Variants in SLC20A2 observed in about 807,000 individuals in gnomAD.
SLC20A2 encodes solute carrier family 20 member 2, also known as sodium-dependent phosphate transporter 2.
SLC20A2 carries 30 observed loss-of-function variants against 61.0 expected under a neutral mutation model. The observed-to-expected ratio is 0.49, with a 90% confidence interval of 0.37 to 0.67. The LOEUF (loss-of-function observed/expected upper bound fraction) is 0.67, where lower values mean the gene tolerates loss of function less well. Ranked by LOEUF, SLC20A2 falls within the 30% of genes least tolerant of loss-of-function variation. The pLI, the probability that SLC20A2 is intolerant of heterozygous loss-of-function variation, is 0.00. For synonymous variants in SLC20A2, 351 were observed against 353.3 expected, an observed-to-expected ratio of 0.99 and a Z score of 0.07; for missense variants, 626 against 866.4, an observed-to-expected ratio of 0.72 and a Z score of 3.48.
intron 1 of SLC20A2, among the ~76,000 whole-genome samples, chr8:42,533,893 C>T (rs180736551): frequency 2.6e-5 from 4 of 151,004 alleles, no homozygotes; most frequent in Admixed American, 2.6e-4. Flanking sequence ...CTCCTGACCT[C>T]GTGATCTGCC....
chr8:42,519,337 G>A (rs367916744), intron 1 of SLC20A2, among the ~76,000 whole-genome samples: 9 of 151,966 alleles, frequency 5.9e-5, no homozygotes, highest in African/African-American at 1.9e-4. Context: ...CCAGCTACTC[G>A]GGAAGCTGAG....
At chr8:42,510,522 C>T (rs1262677938) in intron 1 of SLC20A2, among the ~76,000 whole-genome samples, 2 of 152,168 alleles carry the variant, frequency 1.3e-5, no homozygotes, top group South Asian at 2.1e-4. Context: ...GTATAAAATA[C>T]TAATTTTTGT....
At position 42,438,063 on chromosome 8, in the gene SLC20A2, C is replaced by CAAAAAAAAAAAA. The variant is rs1391262305; in HGVS notation, c.935-498_935-487dup. Among the ~76,000 whole-genome samples, 93 of 26,826 alleles carry CAAAAAAAAAAAA rather than the reference C, an allele frequency of 3.5e-3. 8 individuals are homozygous for CAAAAAAAAAAAA. Among genetic ancestry groups the CAAAAAAAAAAAA allele is most frequent in the East Asian group, 6.3e-3 (4 of 638 alleles). The allele number at this position is 26,826 out of a possible 152,430, so 17.6% of individuals were successfully genotyped here. ...TATGGTTACCACTAAAAAAAAAAAC[C>CAAAAAAAAAAAA]AAAAAAAAAAAAAAAAAAAAAAAAA... On this transcript the variant is annotated intron_variant, in intron 7 of 10. Coordinates refer to ENST00000520262, the MANE Select transcript of SLC20A2 (RefSeq NM_001257180.2).
intron 1 of SLC20A2, among the ~76,000 whole-genome samples, chr8:42,473,289 T>C (rs1001787210): frequency 1.3e-5 from 2 of 152,130 alleles, no homozygotes; most frequent in African/African-American, 2.4e-5. Flanking sequence ...CACTATCCCA[T>C]CTCACTAGGA....
rs1175634535 is a variant in SLC20A2, at chr8:42,476,123, A to G, written c.-264-3469T>C. ...TTTTTTTTTTTTTTTTTGACACGAA[A>G]TCTCGCTCTGTCGCCCAGGCTGGAG... On this transcript the variant is annotated intron_variant, in intron 1 of 10. Coordinates refer to ENST00000520262, the MANE Select transcript of SLC20A2 (RefSeq NM_001257180.2). Among the ~76,000 whole-genome samples, 3 of 107,216 alleles carry G rather than the reference A, an allele frequency of 2.8e-5. No individual in the cohort carries two copies. In the Admixed American group the frequency reaches 4.1e-4, roughly 15 times the overall value. The allele number at this position is 107,216 out of a possible 152,430, so 70.3% of individuals were successfully genotyped here.
intron 6 of SLC20A2, among the ~76,000 whole-genome samples, chr8:42,440,545 T>G (rs2131028193): frequency 6.6e-6 from 1 of 152,272 alleles, no homozygotes; most frequent in East Asian, 1.9e-4. Flanking sequence ...ATAATGTGGG[T>G]TTTTGGAGAT....
At position 42,437,196 on chromosome 8, in the gene SLC20A2, G is replaced by A. The variant is rs768856025; in HGVS notation, c.1316C>T (p.Ala439Val). 8.1e-6 allele frequency: 13 copies of A among 1,613,630 alleles called. No homozygotes were observed. The highest frequency in any genetic ancestry group is 9.3e-6 in the Non-Finnish European group (11 of 1,180,036). Residue 439 changes from alanine to valine, a missense_variant, in exon 8 of 11, where the codon GCG (alanine) becomes GTG (valine). Transcript: ENST00000520262. This position sits in a 1 kb window ranked among gnomAD's most constrained non-coding sequence, Gnocchi z 6.4. ...CGCCTCGATCTCCGCCTCTGCCACCGCGTTACAGTAGCTCGAGTAGCTGTC... is the reference window on the plus strand; with the variant it reads ...CGCCTCGATCTCCGCCTCTGCCACCACGTTACAGTAGCTCGAGTAGCTGTC... ...RYDSYSSYCN[A>V]VAEAEIEAEE... is the part of the protein sequence containing the mutation.
intron 1 of SLC20A2, among the ~76,000 whole-genome samples, chr8:42,492,497 G>T (rs1221380888): frequency 6.6e-6 from 1 of 152,186 alleles, no homozygotes; most frequent in African/African-American, 2.4e-5. Context: ...AGAAAGGAAG[G>T]CGAGCATAAA....
rs1802741033 is a variant in SLC20A2, at chr8:42,417,533, T to A, written c.*270A>T. 4.0e-6 allele frequency: 1 copy of A among 253,092 alleles called. No homozygotes were observed. The allele number at this position is 253,092 out of a possible 1,614,324, so 15.7% of individuals were successfully genotyped here. On this transcript the variant is annotated 3_prime_UTR_variant, in exon 11 of 11. Transcript: ENST00000520262. ...GCCTATTCTATGGATACAATAGATA[T>A]TTAATATATAAGTAACTGCACCACA...
In SLC20A2 at chr8:42,417,869, A is replaced by G; in HGVS notation, c.1893T>C (p.Pro631=). The G allele has an allele frequency of 6.2e-7, 1 of 1,614,190 alleles. No individual in the cohort carries two copies. The highest frequency in any genetic ancestry group is 8.5e-7 in the Non-Finnish European group (1 of 1,180,020). The change falls in exon 11 of 11, where the codon CCT becomes CCC. Residue 631 remains proline, a synonymous_variant. Transcript: ENST00000520262. The stretch of plus-strand genomic sequence containing the variant: ...CAGCAGCGCTGAACAGCCCAGCCAC[A>G]GGGACGGTCACGAACCAGGCCACGA... The part of the protein sequence containing the change: ...NIFVAWFVTV[P]VAGLFSAAVM...
chr8:42,531,357 G>A (rs1458358889), intron 1 of SLC20A2, among the ~76,000 whole-genome samples: 1 of 152,158 alleles, frequency 6.6e-6, no homozygotes, highest in Non-Finnish European at 1.5e-5. Context: ...ATTAAGGCAG[G>A]CTCAGCAGAA....
chr8:42,464,092 C>CTTT (rs1170751054), intron 3 of SLC20A2, among the ~76,000 whole-genome samples: 699 of 20,522 alleles, frequency 0.034, 218 homozygotes, highest in African/African-American at 0.062. Context: ...GCTGGATGAT[C>CTTT]TTTTTTTTTT....
At chr8:42,506,107 A>C (rs1473852718), upstream of SLC20A2, among the ~76,000 whole-genome samples, 1 of 151,882 alleles carries the variant, frequency 6.6e-6, no homozygotes, top group Non-Finnish European at 1.5e-5. Context: ...CGACCAGCTG[A>C]TTTTTGTATT....
chr8:42,425,569 G>A (rs1000006776), intron 10 of SLC20A2, among the ~76,000 whole-genome samples: 3 of 152,230 alleles, frequency 2.0e-5, no homozygotes, highest in African/African-American at 7.2e-5. Flanking sequence ...AGTGCTCACA[G>A]GGAATAGCTC....
intron 1 of SLC20A2, among the ~76,000 whole-genome samples, chr8:42,474,402 A>G (rs1807894995): frequency 1.3e-5 from 2 of 152,310 alleles, no homozygotes; most frequent in South Asian, 2.1e-4. Context: ...GAAAATATAC[A>G]TTGATAGTTG....
chr8:42,473,633 T>C (rs1807827277), intron 1 of SLC20A2, among the ~76,000 whole-genome samples: 1 of 152,084 alleles, frequency 6.6e-6, no homozygotes, highest in African/African-American at 2.4e-5. Context: ...GGAGATGCCA[T>C]GAGATACATC....
chr8:42,421,883 G>C (rs1803071054), intron 10 of SLC20A2, among the ~76,000 whole-genome samples: 1 of 151,062 alleles, frequency 6.6e-6, no homozygotes, highest in Admixed American at 6.6e-5. Context: ...TTTTTAAGTG[G>C]ATTGCTAAGG....
chr8:42,454,738 T>C (rs1293841840), intron 5 of SLC20A2, among the ~76,000 whole-genome samples: 2 of 151,924 alleles, frequency 1.3e-5, no homozygotes, highest in African/African-American at 4.8e-5. Context: ...ATTATTATTA[T>C]TATTGTTATT....
chr8:42,505,781 C>T (rs1215195748), upstream of SLC20A2, among the ~76,000 whole-genome samples: 1 of 151,782 alleles, frequency 6.6e-6, no homozygotes, highest in African/African-American at 2.4e-5. Context: ...GTCCCAGCTA[C>T]TTGGGAGGCT....
Sources: gnomAD v4.1 joint callset for allele counts (sites outside exome capture counted in the v4.1 genomes callset) on GRCh38, gnomAD v4.1.1 for gene constraint, Gnocchi (gnomAD v3.1) non-coding constraint, MANE v1.5 for transcripts, NCBI Gene and HGNC (gene_info 2026-07-23, HGNC 2026-07-21) for gene names.